Variants in SIL1 observed in about 807,000 individuals in gnomAD.
The protein encoded by SIL1 is SIL1 nucleotide exchange factor.
Under a neutral mutation model 49.1 loss-of-function variants are expected in SIL1, and 40 were observed. The observed-to-expected ratio is 0.81, with a 90% CI of 0.63 to 1.06. SIL1 has a LOEUF of 1.06. Among genes scored for constraint, SIL1 ranks in the 50% least tolerant of loss-of-function variants. The probability of loss-of-function intolerance (pLI) is 0.00; values close to 1 mark genes in which losing one functional copy is unlikely to be tolerated. For missense variants in SIL1, 500 were observed against 572.6 expected, an observed-to-expected ratio of 0.87 and a Z score of 1.29; for synonymous variants, 253 against 250.8, an observed-to-expected ratio of 1.01 and a Z score of -0.08.
chr5:139,035,334 A>T, intron 5 of SIL1: 1 of 530,086 alleles, frequency 1.9e-6, no homozygotes, highest in South Asian at 1.4e-5. Context: ...ATCACAAGTG[A>T]TATTTCCACT....
chr5:139,056,943 A>G (rs1769460255), intron 3 of SIL1, among the ~76,000 whole-genome samples: 3 of 152,064 alleles, frequency 2.0e-5, no homozygotes, highest in Admixed American at 1.3e-4. Context: ...AGAAGTAGAC[A>G]TGGGAGACTT....
intron 6 of SIL1, chr5:139,021,749 G>A (rs763554847): frequency 4.5e-6 from 1 of 222,746 alleles, no homozygotes; most frequent in Non-Finnish European, 9.0e-6. Flanking sequence ...ACTATAAAAG[G>A]AGCCCTGTTA....
intron 3 of SIL1, among the ~76,000 whole-genome samples, chr5:139,109,700 A>AT (rs1339953634): frequency 6.6e-6 from 1 of 151,190 alleles, no homozygotes; most frequent in Non-Finnish European, 1.5e-5. Flanking sequence ...GATGTTAAAA[A>AT]AAAAAAAAAA....
chr5:139,089,862 G>A (rs1770304944), intron 3 of SIL1, among the ~76,000 whole-genome samples: 1 of 152,134 alleles, frequency 6.6e-6, no homozygotes, highest in Admixed American at 6.6e-5. Flanking sequence ...TGATGAAAAT[G>A]TTTTCGGATT....
rs552576881 is a variant in SIL1, at chr5:139,049,636, A to T, written c.353+1302T>A. Among the ~76,000 whole-genome samples the T allele has an allele frequency of 5.1e-4, 78 of 152,172 alleles. No homozygotes were observed. In the South Asian group the frequency reaches 5.8e-3, roughly 11 times the overall value. ...AGACCCTGTCTCTACAAAAAAATTT[A>T]AAAAAATTAGCCAGGCATAGTGGCA... On this transcript the variant is annotated intron_variant, in intron 4 of 9. Coordinates refer to ENST00000394817, the MANE Select transcript of SIL1 (RefSeq NM_022464.5).
chr5:139,099,401 T>C (rs915252232), intron 3 of SIL1, among the ~76,000 whole-genome samples: 1 of 152,276 alleles, frequency 6.6e-6, no homozygotes, highest in African/African-American at 2.4e-5. Flanking sequence ...AGAGCTACCA[T>C]ATGATCCAGC....
At chr5:139,169,261 T>A (rs1200257106) in intron 1 of SIL1, among the ~76,000 whole-genome samples, 1 of 152,120 alleles carries the variant, frequency 6.6e-6, no homozygotes, top group Non-Finnish European at 1.5e-5. Flanking sequence ...GAGAAGACCT[T>A]AAGTTTACAC....
chr5:139,117,136 C>T (rs1771007501), intron 3 of SIL1, among the ~76,000 whole-genome samples: 1 of 152,234 alleles, frequency 6.6e-6, no homozygotes, highest in South Asian at 2.1e-4. Context: ...ACCAAGACAT[C>T]CAAAACACTT....
rs113330398 is a variant in SIL1, at chr5:139,122,909, G to A, written c.106-1736C>T. Among the ~76,000 whole-genome samples the A allele has an allele frequency of 5.5e-4, 84 of 152,228 alleles. 1 individual carries two copies. The highest frequency in any genetic ancestry group is 2.0e-3 in the African/African-American group (82 of 41,540). ...ACTCCAGCATAGTGCTTAAGATGCT[G>A]GAATAACTCAAATCCCAGTTTCTTG... is the stretch of plus-strand genomic sequence containing the variant. On this transcript the variant is annotated intron_variant, in intron 2 of 9. Coordinates refer to ENST00000394817, the MANE Select transcript of SIL1 (RefSeq NM_022464.5).
chr5:139,002,210 C>CAA (rs762969876), intron 7 of SIL1, among the ~76,000 whole-genome samples: 3 of 122,030 alleles, frequency 2.5e-5, no homozygotes, highest in Non-Finnish European at 1.8e-5. Context: ...GAACCTGTCT[C>CAA]AAAAAAAAAA....
chr5:139,023,786 C>T (rs1388726778), intron 6 of SIL1, among the ~76,000 whole-genome samples: 7 of 152,326 alleles, frequency 4.6e-5, no homozygotes, highest in Non-Finnish European at 2.9e-5. Flanking sequence ...AACTGGGACT[C>T]GGGCCGAGTT....
chr5:139,197,800 T>G (rs1257951731), intron 1 of SIL1, among the ~76,000 whole-genome samples: 1 of 152,034 alleles, frequency 6.6e-6, no homozygotes, highest in Non-Finnish European at 1.5e-5. Flanking sequence ...ATCCGAGAGA[T>G]AACACTAACC....
intron 1 of SIL1, among the ~76,000 whole-genome samples, chr5:139,171,240 C>T (rs1581149546): frequency 6.6e-6 from 1 of 151,948 alleles, no homozygotes; most frequent in Non-Finnish European, 1.5e-5. Context: ...ATGACAATGG[C>T]GGTTTTGTGG....
chr5:139,056,526 C>A (rs1365117166), intron 3 of SIL1, among the ~76,000 whole-genome samples: 2 of 149,858 alleles, frequency 1.3e-5, no homozygotes, highest in Non-Finnish European at 3.0e-5. Context: ...CCAGGCCAGC[C>A]GCCCCGTCCG....
intron 1 of SIL1, among the ~76,000 whole-genome samples, chr5:139,154,750 A>C (rs1202236278): frequency 6.6e-6 from 1 of 152,188 alleles, no homozygotes; most frequent in Non-Finnish European, 1.5e-5. Flanking sequence ...CCCTCACATC[A>C]CCAAGCCAAG....
intron 3 of SIL1, among the ~76,000 whole-genome samples, chr5:139,118,947 G>A (rs1750544492): frequency 6.6e-6 from 1 of 152,102 alleles, no homozygotes; most frequent in African/African-American, 2.4e-5. Context: ...TGTAGTGTAG[G>A]CAAAAAATGC....
intron 3 of SIL1, among the ~76,000 whole-genome samples, chr5:139,052,335 C>G (rs1769309291): frequency 6.6e-6 from 1 of 152,126 alleles, no homozygotes; most frequent in African/African-American, 2.4e-5. Context: ...AAAATGGGAA[C>G]CTACATACAG....
chr5:139,070,240 T>G (rs1769801233), intron 3 of SIL1, among the ~76,000 whole-genome samples: 1 of 152,006 alleles, frequency 6.6e-6, no homozygotes, highest in East Asian at 1.9e-4. Flanking sequence ...ATGAGACAGA[T>G]CAAATCAGTA....
intron 7 of SIL1, among the ~76,000 whole-genome samples, chr5:138,973,623 C>T (rs2150394121): frequency 6.6e-6 from 1 of 152,042 alleles, no homozygotes; most frequent in South Asian, 2.1e-4. Flanking sequence ...CTGCACCTGA[C>T]TAAATTTTTT....
Sources: gnomAD v4.1 joint callset for allele counts (sites outside exome capture counted in the v4.1 genomes callset) on GRCh38, gnomAD v4.1.1 for gene constraint, MANE v1.5 for transcripts, NCBI Gene and HGNC (gene_info 2026-07-23, HGNC 2026-07-21) for gene names.